The following IFT43 variants were observed in gnomAD, a reference collection of about 807,000 sequenced individuals.
IFT43 encodes intraflagellar transport protein 43 homolog.
A neutral mutation model predicts 32.3 loss-of-function variants in IFT43; 33 were observed. The observed-to-expected ratio is 1.02, with a 90% CI of 0.77 to 1.37. The LOEUF (loss-of-function observed/expected upper bound fraction) is 1.37, where lower values mean the gene tolerates loss of function less well. IFT43 is among the 40% of genes most tolerant of loss of function. The pLI, the probability that IFT43 is intolerant of heterozygous loss-of-function variation, is 0.00. For synonymous variants in IFT43, 93 were observed against 98.2 expected, an observed-to-expected ratio of 0.95 and a Z score of 0.31; for missense variants, 274 against 265.9, an observed-to-expected ratio of 1.03 and a Z score of -0.21.
At chr14:76,044,963 C>T (rs4903372) in intron 3 of IFT43, among the ~76,000 whole-genome samples, 121,678 of 152,166 alleles carry the variant, frequency 0.8, 49,248 homozygotes, top group Non-Finnish European at 0.87. Flanking sequence ...GCACATATAA[C>T]GTACAAAATA....
intron 5 of IFT43, among the ~76,000 whole-genome samples, chr14:76,079,205 G>A (rs2037464698): frequency 6.6e-6 from 1 of 152,204 alleles, no homozygotes; most frequent in Non-Finnish European, 1.5e-5. Flanking sequence ...ATTACTCATA[G>A]ATTCACTCCA....
chr14:76,009,762 A>G (rs992797458), intron 2 of IFT43, among the ~76,000 whole-genome samples: 2 of 152,182 alleles, frequency 1.3e-5, no homozygotes, highest in African/African-American at 4.8e-5. Flanking sequence ...AGCAAGGACT[A>G]GAAGCCAGAA....
At chr14:76,035,611 C>T (rs1484006161) in intron 3 of IFT43, among the ~76,000 whole-genome samples, 1 of 152,220 alleles carries the variant, frequency 6.6e-6, no homozygotes, top group African/African-American at 2.4e-5. Context: ...AGCAAAAACT[C>T]ATGGAGCCAG....
chr14:76,079,666 T>A (rs1200761962), intron 5 of IFT43, among the ~76,000 whole-genome samples: 1 of 152,160 alleles, frequency 6.6e-6, no homozygotes, highest in Non-Finnish European at 1.5e-5. Flanking sequence ...ATAAACATAA[T>A]TTTTGGATTT....
chr14:76,074,405 G>GA (rs201412221), intron 5 of IFT43, among the ~76,000 whole-genome samples: 2,022 of 152,244 alleles, frequency 0.013, 47 homozygotes, highest in African/African-American at 0.046. Context: ...GCTACTGCAG[G>GA]ACTCCGTTCT....
intron 1 of IFT43, chr14:75,986,418 G>A (rs866411544): frequency 1.1e-5 from 4 of 375,388 alleles, no homozygotes; most frequent in African/African-American, 2.3e-5. Flanking sequence ...ACTGAGGCCA[G>A]ATGGAGCATA....
At chr14:76,081,795 A>G (rs373288679) in intron 5 of IFT43, among the ~76,000 whole-genome samples, 1 of 152,174 alleles carries the variant, frequency 6.6e-6, no homozygotes, top group Non-Finnish European at 1.5e-5. Flanking sequence ...GAGGGCCCTG[A>G]TGATTGCACT....
intron 2 of IFT43, among the ~76,000 whole-genome samples, chr14:75,999,257 ATATATATATATATATGTATATATATTT>A (rs2035823089): frequency 1.7e-4 from 2 of 11,930 alleles, no homozygotes; most frequent in African/African-American, 8.7e-4. Flanking sequence ...ATATATATAT[ATATATATATATATATGTATATATATTT>A]TTTTTTTTTT....
At chr14:76,016,273 A>G (rs58783608) in intron 2 of IFT43, among the ~76,000 whole-genome samples, 16,987 of 152,078 alleles carry the variant, frequency 0.11, 1,048 homozygotes, top group African/African-American at 0.17. Context: ...TCTTCTGTGT[A>G]TGGAAATCCG....
intron 5 of IFT43, 187 bp from the exon 6 acceptor site, chr14:76,082,108 G>C (rs1334180708): frequency 6.4e-6 from 1 of 155,388 alleles, no homozygotes; most frequent in Non-Finnish European, 1.4e-5. Context: ...TCTGGAATGA[G>C]GCCTGGGATT....
intron 5 of IFT43, among the ~76,000 whole-genome samples, chr14:76,070,502 G>A (rs79378899): frequency 0.016 from 2,384 of 152,224 alleles, 93 homozygotes; most frequent in South Asian, 0.083. Context: ...GCTTAATATA[G>A]CATATGAGAC....
intron 3 of IFT43, among the ~76,000 whole-genome samples, chr14:76,049,517 G>A (rs61348577): frequency 0.34 from 51,258 of 150,802 alleles, 8,763 homozygotes; most frequent in African/African-American, 0.36. Flanking sequence ...CCATGAAGAT[G>A]TAGAGTTTTC....
intron 2 of IFT43, among the ~76,000 whole-genome samples, chr14:76,015,731 A>G (rs1036670586): frequency 5.3e-5 from 8 of 152,218 alleles, no homozygotes; most frequent in African/African-American, 1.4e-4. Flanking sequence ...TTTTCACCCA[A>G]TAGCCATGGC....
At chr14:76,019,924 A>T (rs1472505927) in intron 2 of IFT43, among the ~76,000 whole-genome samples, 2 of 149,144 alleles carry the variant, frequency 1.3e-5, no homozygotes, top group Non-Finnish European at 3.0e-5. Context: ...TATGATGTTT[A>T]TCTCTTTATT....
chr14:76,010,849 T>G (rs949547748), intron 2 of IFT43, among the ~76,000 whole-genome samples: 1 of 151,960 alleles, frequency 6.6e-6, no homozygotes, highest in African/African-American at 2.4e-5. Flanking sequence ...CAATTAGATT[T>G]ATTTCTTTTA....
At chr14:76,043,316 C>T (rs539049659) in intron 3 of IFT43, among the ~76,000 whole-genome samples, 1 of 152,312 alleles carries the variant, frequency 6.6e-6, no homozygotes, top group South Asian at 2.1e-4. Flanking sequence ...AGGATGAGCA[C>T]ACCAGGCTTT....
chr14:76,082,321 G>A lies in IFT43; in HGVS notation c.322G>A (p.Glu108Lys), dbSNP rs776120367. The change falls in exon 6 of 9, where the codon GAA becomes AAA. Residue 108 changes from glutamate to lysine, a missense_variant. Physicochemically the swap from Glu to Lys is moderately conservative, Grantham distance 56. Coordinates refer to ENST00000314067, the MANE Select transcript of IFT43 (RefSeq NM_001102564.3). ...GDIPIIPDLE[E>K]VQEEDFVLQV... ...TATTCCTATCATTCCGGATCTGGAG[G>A]AAGTACAGGAAGAAGACTTTGTTTT... The A allele has an allele frequency of 1.2e-5, 20 of 1,614,008 alleles. No individual in the cohort carries two copies. The highest frequency in any genetic ancestry group is 1.5e-5 in the Non-Finnish European group (18 of 1,179,858).
At chr14:76,046,565 G>A (rs1414877458) in intron 3 of IFT43, among the ~76,000 whole-genome samples, 2 of 152,170 alleles carry the variant, frequency 1.3e-5, no homozygotes, top group East Asian at 3.8e-4. Flanking sequence ...AGGACAAGCA[G>A]CACAGGGAAG....
intron 4 of IFT43, 134 bp downstream of exon 4, chr14:76,058,808 T>C (rs1388639455): frequency 6.3e-7 from 1 of 1,576,842 alleles, no homozygotes; most frequent in East Asian, 2.3e-5. Context: ...TATTGATGCC[T>C]GCTGAATCCA....
Sources: gnomAD v4.1 joint callset for allele counts (sites outside exome capture counted in the v4.1 genomes callset) on GRCh38, gnomAD v4.1.1 for gene constraint, MANE v1.5 for transcripts, NCBI Gene and HGNC (gene_info 2026-07-23, HGNC 2026-07-21) for gene names.